The following ERC2 variants were observed in gnomAD, a reference collection of about 807,000 sequenced individuals.
The protein encoded by ERC2 is ERC protein 2.
In ERC2, 42 loss-of-function variants were observed where a neutral mutation model predicts 114.8. That is an observed-to-expected ratio of 0.37 (90% CI 0.29 to 0.47). ERC2 has a LOEUF of 0.47. Ranked by LOEUF, ERC2 falls within the 20% of genes least tolerant of loss-of-function variation. ERC2 has a pLI of 0.99. For missense variants in ERC2, 939 were observed against 1,150.7 expected, an observed-to-expected ratio of 0.82 and a Z score of 2.66; for synonymous variants, 454 against 425.5, an observed-to-expected ratio of 1.07 and a Z score of -0.82.
chr3:55,920,197 C>G (rs961102928), intron 13 of ERC2, among the ~76,000 whole-genome samples: 5 of 151,860 alleles, frequency 3.3e-5, no homozygotes, highest in Admixed American at 3.3e-4. Context: ...AAATGTCAAG[C>G]AAATATGAAA....
At chr3:56,310,071 C>T (rs954600301) in intron 2 of ERC2, among the ~76,000 whole-genome samples, 14 of 152,266 alleles carry the variant, frequency 9.2e-5, no homozygotes, top group African/African-American at 3.4e-4. Context: ...CTACAAGGGA[C>T]TCTCAGGAAT....
intron 14 of ERC2, among the ~76,000 whole-genome samples, chr3:55,800,526 T>C (rs1009322017): frequency 1.3e-5 from 2 of 152,196 alleles, no homozygotes; most frequent in Admixed American, 1.3e-4. Context: ...ACAATGCTCA[T>C]GATAGCTCGT....
chr3:55,591,852 T>A (rs2057907103), intron 17 of ERC2, among the ~76,000 whole-genome samples: 1 of 152,210 alleles, frequency 6.6e-6, no homozygotes, highest in Non-Finnish European at 1.5e-5. Flanking sequence ...TCAGAGTAGG[T>A]AACCCCGTTG....
At chr3:56,059,097 A>AT (rs11303876) in intron 7 of ERC2, among the ~76,000 whole-genome samples, 85 of 147,420 alleles carry the variant, frequency 5.8e-4, no homozygotes, top group Admixed American at 7.4e-4. Context: ...TATTTTTTTT[A>AT]TTTTTTTTTT....
intron 2 of ERC2, among the ~76,000 whole-genome samples, chr3:56,354,256 A>T (rs936835907): frequency 6.6e-6 from 1 of 152,224 alleles, no homozygotes; most frequent in African/African-American, 2.4e-5. Flanking sequence ...GACAATGGGG[A>T]TTGGCGACCA....
At chr3:56,230,949 A>G (rs1241332151) in intron 3 of ERC2, among the ~76,000 whole-genome samples, 2 of 152,254 alleles carry the variant, frequency 1.3e-5, no homozygotes, top group Non-Finnish European at 1.5e-5. Context: ...TAAAATATGC[A>G]TCAGGTGCTG....
intron 2 of ERC2, among the ~76,000 whole-genome samples, chr3:56,339,083 C>T (rs1473025409): frequency 1.3e-5 from 2 of 152,162 alleles, no homozygotes; most frequent in Admixed American, 1.3e-4. Context: ...AGTTCTGTCC[C>T]TCCCAGCTAT....
At chr3:55,703,454 G>A (rs1209486735) in intron 15 of ERC2, among the ~76,000 whole-genome samples, 1 of 152,136 alleles carries the variant, frequency 6.6e-6, no homozygotes, top group African/African-American at 2.4e-5. Flanking sequence ...TCCTAAGCCC[G>A]CCTCTTCCAC....
At chr3:55,524,057 A>G (rs762898314) in intron 17 of ERC2, among the ~76,000 whole-genome samples, 3 of 152,150 alleles carry the variant, frequency 2.0e-5, no homozygotes, top group Non-Finnish European at 4.4e-5. Flanking sequence ...GAAGATAGTA[A>G]CTCTAACCTC....
chr3:55,562,925 T>C (rs2107487490), intron 17 of ERC2, among the ~76,000 whole-genome samples: 1 of 152,294 alleles, frequency 6.6e-6, no homozygotes, highest in African/African-American at 2.4e-5. Context: ...CAAAGGAATG[T>C]GGAAATAAGC....
At chr3:55,737,997 A>C (rs1462845769) in intron 14 of ERC2, among the ~76,000 whole-genome samples, 1 of 152,154 alleles carries the variant, frequency 6.6e-6, no homozygotes, top group Admixed American at 6.6e-5. Flanking sequence ...AAATGACTAC[A>C]TGTATGTGTT....
intron 1 of ERC2, among the ~76,000 whole-genome samples, chr3:56,454,461 C>T (rs2062967675): frequency 6.6e-6 from 1 of 152,138 alleles, no homozygotes; most frequent in Non-Finnish European, 1.5e-5. Flanking sequence ...AAAAATCTGA[C>T]AGCTATTTAT....
chr3:55,739,088 G>A (rs960958112), intron 14 of ERC2, among the ~76,000 whole-genome samples: 13 of 152,112 alleles, frequency 8.5e-5, no homozygotes, highest in African/African-American at 2.7e-4. Context: ...AAGGACATGA[G>A]CTCATCTTTT....
At chr3:55,746,377 G>C (rs779954631) in intron 14 of ERC2, among the ~76,000 whole-genome samples, 17 of 152,034 alleles carry the variant, frequency 1.1e-4, no homozygotes, top group Non-Finnish European at 2.4e-4. Context: ...GAGATTACAG[G>C]CATGCACCAC....
Position 55,511,095 on chromosome 3 carries a change from T to G in ERC2, c.*221A>C, listed in dbSNP as rs1405423878. Reference sequence around the variant, plus strand: ...ATAACCAAATCCATGAGAAATGACATGAGGTGGTGAAGGAAATATCAAGTA... The same window carrying G: ...ATAACCAAATCCATGAGAAATGACAGGAGGTGGTGAAGGAAATATCAAGTA... On this transcript the variant is annotated 3_prime_UTR_variant, in exon 18 of 18. Transcript: ENST00000288221. The G allele has an allele frequency of 6.6e-6, 1 of 152,512 alleles. No individual in the cohort carries two copies. Among genetic ancestry groups the G allele is most frequent in the Admixed American group, 6.5e-5 (1 of 15,274 alleles). 9.4% of individuals were successfully genotyped at this position (152,512 alleles called of 1,614,324 possible). A position where few individuals can be genotyped will look rare whatever the true frequency, so the allele number is the denominator to read the frequency against.
chr3:55,593,213 C>A (rs2057980067), intron 17 of ERC2, among the ~76,000 whole-genome samples: 1 of 152,202 alleles, frequency 6.6e-6, no homozygotes, highest in Non-Finnish European at 1.5e-5. Flanking sequence ...TGTGTTTTAG[C>A]ATCATCCTTG....
chr3:55,703,079 A>G (rs1027903246), intron 15 of ERC2, among the ~76,000 whole-genome samples: 1 of 152,156 alleles, frequency 6.6e-6, no homozygotes, highest in Non-Finnish European at 1.5e-5. Flanking sequence ...CTCTTTCTTC[A>G]AGGCGCCACC....
intron 3 of ERC2, among the ~76,000 whole-genome samples, chr3:56,273,510 G>A (rs892959737): frequency 6.6e-6 from 1 of 151,882 alleles, no homozygotes; most frequent in Non-Finnish European, 1.5e-5. Flanking sequence ...CTCCCCAACT[G>A]TCAGTATTAC....
intron 17 of ERC2, among the ~76,000 whole-genome samples, chr3:55,565,355 GC>G (rs1213303382): frequency 3.3e-5 from 5 of 152,116 alleles, no homozygotes; most frequent in African/African-American, 1.2e-4. Context: ...ATTCAGAAAA[GC>G]TTTAACCCAC....
Sources: allele counts gnomAD v4.1 joint callset (sites outside exome capture counted in the v4.1 genomes callset), GRCh38; gene constraint gnomAD v4.1.1; transcripts MANE v1.5; gene names NCBI Gene and HGNC (gene_info 2026-07-23, HGNC 2026-07-21).